TET1: variants seen among roughly 807,000 people sequenced by gnomAD.
The protein encoded by TET1 is tet methylcytosine dioxygenase 1.
A neutral mutation model predicts 148.7 loss-of-function variants in TET1; 13 were observed. The observed-to-expected ratio is 0.09, with a 90% CI of 0.06 to 0.14. The LOEUF (loss-of-function observed/expected upper bound fraction) is 0.14. Among genes scored for constraint, TET1 ranks in the 10% least tolerant of loss-of-function variants. The pLI, the probability that TET1 is intolerant of heterozygous loss-of-function variation, is 1.00. For missense variants in TET1, 2,182 were observed against 2,553.8 expected, an observed-to-expected ratio of 0.85 and a Z score of 3.14; for synonymous variants, 907 against 937.2, an observed-to-expected ratio of 0.97 and a Z score of 0.59.
intron 6 of TET1, among the ~76,000 whole-genome samples, chr10:68,659,421 C>T (rs1450901607): frequency 6.6e-6 from 1 of 152,012 alleles, no homozygotes; most frequent in Non-Finnish European, 1.5e-5. Context: ...CAGGTTCAAG[C>T]CATTCTCCAG....
chr10:68,642,889 G>A (rs1422218347), intron 3 of TET1, among the ~76,000 whole-genome samples: 1 of 152,056 alleles, frequency 6.6e-6, no homozygotes, highest in East Asian at 1.9e-4. Flanking sequence ...ACAGGTATGC[G>A]CTACTGTACC....
rs141820172 is a variant in TET1, at chr10:68,686,468, A to G, written c.5165A>G (p.Lys1722Arg). The G allele has an allele frequency of 1.1e-4, 178 of 1,614,148 alleles. No individual in the cohort carries two copies. The Middle Eastern group carries it at 1.3e-3, about 12-fold the overall frequency. The change falls in exon 11 of 12, where the codon AAG becomes AGG. Residue 1722 changes from lysine to arginine, a missense_variant. Transcript: ENST00000373644. ...TCAGACACAGATGAGTTTGGCTCCA[A>G]GGAAGGAATGGAAGCCAAGATCAAA... is the stretch of plus-strand genomic sequence containing the variant. ...KLSDTDEFGS[K>R]EGMEAKIKSG...
intron 2 of TET1, among the ~76,000 whole-genome samples, chr10:68,584,906 C>T (rs531305119): frequency 1.6e-3 from 247 of 151,684 alleles, no homozygotes; most frequent in Non-Finnish European, 2.1e-3. Context: ...CTGCAACCTC[C>T]GTCTCCCGGG....
chr10:68,582,177 A>G (rs2053806212), intron 2 of TET1, among the ~76,000 whole-genome samples: 1 of 151,328 alleles, frequency 6.6e-6, no homozygotes, highest in East Asian at 1.9e-4. Flanking sequence ...CTTGGTCACC[A>G]CAACCTCCAC....
chr10:68,608,996 T>TTTTG (rs61453227), intron 3 of TET1, among the ~76,000 whole-genome samples: 4 of 151,718 alleles, frequency 2.6e-5, no homozygotes, highest in Non-Finnish European at 5.9e-5. Flanking sequence ...TGGCCCATAG[T>TTTTG]TTTGTTTGTT....
rs1459464950 is a variant in TET1 at position 68,560,456 on chromosome 10, C to T, written c.-409C>T. 6.6e-6 allele frequency among the ~76,000 whole-genome samples: 1 copy of T among 152,216 alleles called. No individual in the cohort carries two copies. The highest frequency in any genetic ancestry group is 1.5e-5 in the Non-Finnish European group (1 of 68,028). On this transcript the variant is annotated 5_prime_UTR_variant, in exon 1 of 12. Transcript: ENST00000373644. ...GCGCAGCCGCTGGCCCCTCTACTCC[C>T]GGGTCTGCCCCCCGGGACACCCCTC...
intron 6 of TET1, among the ~76,000 whole-genome samples, chr10:68,662,413 T>C (rs1019181888): frequency 1.1e-4 from 16 of 152,214 alleles, no homozygotes; most frequent in South Asian, 8.3e-4. Flanking sequence ...TCAATTTGCA[T>C]TGTAACTAGC....
chr10:68,574,298 A>G, intron 2 of TET1, 46 bp downstream of exon 2: 1 of 1,497,344 alleles, frequency 6.7e-7, no homozygotes, highest in Non-Finnish European at 9.1e-7. Flanking sequence ...CACTTGGTAT[A>G]GTGATCTATA....
intron 11 of TET1, among the ~76,000 whole-genome samples, chr10:68,688,760 A>G (rs1413964073): frequency 2.0e-5 from 3 of 151,988 alleles, no homozygotes; most frequent in South Asian, 4.2e-4. Context: ...TTCTATAACA[A>G]GTTGTTCCAG....
intron 2 of TET1, among the ~76,000 whole-genome samples, chr10:68,589,620 G>A (rs982395826): frequency 1.3e-5 from 2 of 151,240 alleles, no homozygotes; most frequent in African/African-American, 4.9e-5. Flanking sequence ...CTCTGGGAGA[G>A]GTTCCAGTGC....
At chr10:68,577,912 A>G (rs1370533318) in intron 2 of TET1, among the ~76,000 whole-genome samples, 2 of 151,898 alleles carry the variant, frequency 1.3e-5, no homozygotes, top group Non-Finnish European at 2.9e-5. Context: ...CCAAGAGTTC[A>G]AGGCTGCAGT....
At chr10:68,595,980 A>ATC (rs1361964859) in intron 2 of TET1, among the ~76,000 whole-genome samples, 1 of 48,408 alleles carries the variant, frequency 2.1e-5, no homozygotes, top group Non-Finnish European at 3.5e-5. Flanking sequence ...ACACACACAT[A>ATC]TATACACACA....
At chr10:68,580,906 G>T (rs2053789976) in intron 2 of TET1, among the ~76,000 whole-genome samples, 1 of 151,662 alleles carries the variant, frequency 6.6e-6, no homozygotes, top group Admixed American at 6.6e-5. Context: ...GGAGGTTGAG[G>T]CTGCAGTGAG....
At chr10:68,684,111 G>GA (rs1173548425) in intron 10 of TET1, among the ~76,000 whole-genome samples, 4 of 152,306 alleles carry the variant, frequency 2.6e-5, no homozygotes, top group African/African-American at 9.6e-5. Context: ...GCTGCAGGAT[G>GA]AGCATGTTGG....
intron 3 of TET1, among the ~76,000 whole-genome samples, chr10:68,602,518 C>A (rs563095206): frequency 6.6e-6 from 1 of 152,298 alleles, no homozygotes; most frequent in East Asian, 1.9e-4. Context: ...AGCCTAGTAT[C>A]TATGTCTTCC....
rs1288790116 is a variant in TET1, at chr10:68,611,849, G to A, written c.1968+10815G>A. 1.4e-5 allele frequency among the ~76,000 whole-genome samples: 2 copies of A among 142,116 alleles called. 1 individual carries two copies. The highest frequency in any genetic ancestry group is 5.1e-5 in the African/African-American group (2 of 38,882). The allele number at this position is 142,116 out of a possible 152,430, so 93.2% of individuals were successfully genotyped here. ...ATGAGTAGCTCGGGAGGTGGGGGGG[G>A]TGGGGAGAGAGGGAGAGAGAGAGAG... On this transcript the variant is annotated intron_variant, in intron 3 of 11. Coordinates refer to ENST00000373644, the MANE Select transcript of TET1 (RefSeq NM_030625.3).
chr10:68,670,936 G>A (rs1486990690), intron 7 of TET1, among the ~76,000 whole-genome samples: 3 of 151,640 alleles, frequency 2.0e-5, no homozygotes, highest in African/African-American at 7.3e-5. Context: ...CATTATATAA[G>A]TACAATATAT....
chr10:68,608,083 C>T (rs547901806), intron 3 of TET1, among the ~76,000 whole-genome samples: 22 of 151,930 alleles, frequency 1.4e-4, no homozygotes, highest in East Asian at 5.8e-4. Flanking sequence ...TGCATACCAC[C>T]GCACCCAGCT....
At chr10:68,593,910 G>A (rs1432130787) in intron 2 of TET1, among the ~76,000 whole-genome samples, 2 of 100,016 alleles carry the variant, frequency 2.0e-5, no homozygotes, top group Non-Finnish European at 4.4e-5. Context: ...CACTGCGCCT[G>A]AGCTATTTTT....
Sources: allele counts gnomAD v4.1 joint callset (sites outside exome capture counted in the v4.1 genomes callset), GRCh38; gene constraint gnomAD v4.1.1; transcripts MANE v1.5; gene names NCBI Gene and HGNC (gene_info 2026-07-23, HGNC 2026-07-21).